Variants in MTDH observed in about 807,000 individuals in gnomAD.
MTDH encodes the protein protein LYRIC.
In MTDH, 34 loss-of-function variants were observed where a neutral mutation model predicts 72.7. The observed-to-expected ratio is 0.47, with a 90% CI of 0.36 to 0.62. MTDH has a LOEUF of 0.62. Ranked by LOEUF, MTDH falls within the 20% of genes least tolerant of loss-of-function variation. The probability of loss-of-function intolerance (pLI) is 0.00; values close to 1 mark genes in which losing one functional copy is unlikely to be tolerated. For synonymous variants in MTDH, 266 were observed against 268.9 expected (o/e 0.99, Z 0.10); for missense variants, 677 against 699.4 (o/e 0.97, Z 0.36).
chr8:97,664,685 G>A (rs886089309), intron 2 of MTDH, among the ~76,000 whole-genome samples: 13 of 151,962 alleles, frequency 8.6e-5, no homozygotes, highest in African/African-American at 3.1e-4. Context: ...AATAGTTGGT[G>A]TTTTTTAGAC....
At chr8:97,658,217 A>G (rs1812052683) in intron 1 of MTDH, among the ~76,000 whole-genome samples, 1 of 152,196 alleles carries the variant, frequency 6.6e-6, no homozygotes, top group Non-Finnish European at 1.5e-5. Context: ...TGGGAGATCT[A>G]CACAGGTCAG....
At chr8:97,700,286 G>A (rs543411852) in intron 7 of MTDH, among the ~76,000 whole-genome samples, 1 of 151,686 alleles carries the variant, frequency 6.6e-6, no homozygotes, top group East Asian at 1.9e-4. Flanking sequence ...TAGAAGGGAA[G>A]AATATGGTTT....
intron 1 of MTDH, among the ~76,000 whole-genome samples, chr8:97,649,672 C>T (rs1001896771): frequency 6.6e-6 from 1 of 151,954 alleles, no homozygotes; most frequent in Non-Finnish European, 1.5e-5. Context: ...GGTGTGAACA[C>T]AGCTCACTGC....
chr8:97,687,396 C>G, intron 3 of MTDH, 33 bp from the exon 4 acceptor site: 2 of 1,551,674 alleles, frequency 1.3e-6, no homozygotes, highest in Non-Finnish European at 1.7e-6. Flanking sequence ...CTTCCCCTTA[C>G]TGAATAACAT....
intron 1 of MTDH, among the ~76,000 whole-genome samples, chr8:97,653,539 C>G (rs1346886560): frequency 6.6e-6 from 1 of 152,128 alleles, no homozygotes; most frequent in Non-Finnish European, 1.5e-5. Flanking sequence ...TGCCAGAGGC[C>G]TAACGTAAAA....
intron 1 of MTDH, among the ~76,000 whole-genome samples, chr8:97,656,390 C>G (rs371558850): frequency 6.6e-6 from 1 of 150,412 alleles, no homozygotes; most frequent in Non-Finnish European, 1.5e-5. Context: ...CTGCAACCTC[C>G]GCATCCCAGG....
In MTDH at chr8:97,665,518, G is replaced by T. The variant is rs954726615; in HGVS notation, c.483+4345G>T. Among the ~76,000 whole-genome samples, 9 of 152,242 alleles carry T rather than the reference G, an allele frequency of 5.9e-5. No individual in the cohort carries two copies. In the East Asian group the frequency reaches 1.7e-3, roughly 29 times the overall value. Reference sequence around the variant, plus strand: ...AAGAGAAGATATCTAGTAATACAAGGCATTAAGTGCTGGATATTCAGAGGA... The same window carrying T: ...AAGAGAAGATATCTAGTAATACAAGTCATTAAGTGCTGGATATTCAGAGGA... On this transcript the variant is annotated intron_variant, in intron 2 of 11. Transcript: ENST00000336273.
In MTDH at chr8:97,727,950, G is replaced by A. The variant is rs1815422791; in HGVS notation, c.*3280G>A. The A allele has an allele frequency of 6.6e-6, 1 of 152,026 alleles. No individual in the cohort carries two copies. The highest frequency in any genetic ancestry group is 1.5e-5 in the Non-Finnish European group (1 of 68,008). 9.4% of individuals were successfully genotyped at this position (152,026 alleles called of 1,614,324 possible). ...TTATGCATGCATTTTATTGGGGAGG[G>A]GAGGTCAGAATAATTCACCCAAATC... On this transcript the variant is annotated 3_prime_UTR_variant, in exon 12 of 12. Transcript: ENST00000336273.
chr8:97,675,939 G>GTTATCTTTTT (rs1563537465), intron 2 of MTDH, among the ~76,000 whole-genome samples: 1 of 105,814 alleles, frequency 9.5e-6, no homozygotes, highest in Non-Finnish European at 1.8e-5. Flanking sequence ...TTGCAAATAG[G>GTTATCTTTTT]TTTTTTTTTT....
intron 2 of MTDH, among the ~76,000 whole-genome samples, chr8:97,667,896 C>CCA (rs1156676612): frequency 5.3e-5 from 8 of 149,984 alleles, no homozygotes; most frequent in African/African-American, 2.0e-4. Flanking sequence ...AGCTTGACAA[C>CCA]TTACCAGTAC....
chr8:97,668,085 A>G (rs1424968236), intron 2 of MTDH, among the ~76,000 whole-genome samples: 2 of 152,126 alleles, frequency 1.3e-5, no homozygotes, highest in African/African-American at 2.4e-5. Flanking sequence ...CAGGAGATCA[A>G]GACCATCCTG....
rs1301724958 is a variant in MTDH at position 97,727,503 on chromosome 8, A to T, written c.*2833A>T. On this transcript the variant is annotated 3_prime_UTR_variant, in exon 12 of 12. Transcript: ENST00000336273. The stretch of plus-strand genomic sequence containing the variant: ...GAGCGAGACTCAATCTCAAAAAAAA[A>T]AAAGTTTCTGGCACCTGAACAGGAA... 17 of 152,042 alleles carry T rather than the reference A, an allele frequency of 1.1e-4. 1 individual carries two copies. The highest frequency in any genetic ancestry group is 1.1e-3 in the Admixed American group (17 of 15,260). 9.4% of individuals were successfully genotyped at this position (152,042 alleles called of 1,614,324 possible). A position where few individuals can be genotyped will look rare whatever the true frequency, so the allele number is the denominator to read the frequency against.
At position 97,676,821 on chromosome 8, in the gene MTDH, G is replaced by T. The variant is rs891735201; in HGVS notation, c.484-9847G>T. Among the ~76,000 whole-genome samples, 9 of 151,670 alleles carry T rather than the reference G, an allele frequency of 5.9e-5. 1 individual carries two copies. The highest frequency in any genetic ancestry group is 1.3e-4 in the Non-Finnish European group (9 of 67,920). On this transcript the variant is annotated intron_variant, in intron 2 of 11. Transcript: ENST00000336273. ...GATCAAGACCATCCTGGCTAACATG[G>T]TGAAACCCCCTCTCTACTAAAAAAT...
intron 2 of MTDH, among the ~76,000 whole-genome samples, chr8:97,684,039 AGGCAGGAGAATCGCTTGAACCCAGGC>A (rs1295800896): frequency 1.5e-4 from 22 of 149,822 alleles, no homozygotes; most frequent in South Asian, 4.4e-4. Context: ...TGAACCCAGG[AGGCAGGAGAATCGCTTGAACCCAGGC>A]GGCAGAGGTT....
chr8:97,684,628 A>G (rs1393298615), intron 2 of MTDH, among the ~76,000 whole-genome samples: 2 of 152,214 alleles, frequency 1.3e-5, no homozygotes, highest in Non-Finnish European at 2.9e-5. Flanking sequence ...GCCTCTGCTC[A>G]ACTGTAGTTG....
At chr8:97,707,810 G>T (rs552797858) in intron 8 of MTDH, among the ~76,000 whole-genome samples, 92 of 151,676 alleles carry the variant, frequency 6.1e-4, no homozygotes, top group African/African-American at 2.1e-3. Context: ...CTATTCAGGG[G>T]GCTGAGGCAG....
rs574644542 is a variant in MTDH, at chr8:97,697,900, G to A, written c.1049-1854G>A. On this transcript the variant is annotated intron_variant, in intron 6 of 11. Transcript: ENST00000336273. ...TCCCTTCATATATGCAGAGAAAGCC[G>A]TGTGGGCTGCCAAAGGAATAGCACC... 5.3e-5 allele frequency among the ~76,000 whole-genome samples: 8 copies of A among 152,238 alleles called. No individual in the cohort carries two copies. The East Asian group carries it at 9.6e-4, about 18-fold the overall frequency.
Position 97,644,771 on chromosome 8 carries a change from C to T in MTDH, c.265C>T (p.Arg89Trp), listed in dbSNP as rs762632270. 1.9e-6 allele frequency: 3 copies of T among 1,549,572 alleles called. No homozygotes were observed. The African/African-American group carries it at 4.4e-5, about 23-fold the overall frequency. ...RKKRRSPPRK[R>W]EEAAAVPAAA... is the part of the protein sequence containing the mutation. ...AAAGCGGAGGAGCCCGCCCCGCAAGCGGGAGGAGGCGGCGGCCGTGCCGGC... is the reference window on the plus strand; with the variant it reads ...AAAGCGGAGGAGCCCGCCCCGCAAGTGGGAGGAGGCGGCGGCCGTGCCGGC... Residue 89 changes from arginine (R) to tryptophan (W), a missense_variant, in exon 1 of 12, where the codon CGG (arginine) becomes TGG (tryptophan). By Grantham distance (101) the Arg-to-Trp change is moderately radical (BLOSUM62 -3). Transcript: ENST00000336273.
At chr8:97,699,678 A>G in intron 6 of MTDH, 76 bp from the exon 7 acceptor site, 1 of 887,702 alleles carries the variant, frequency 1.1e-6, no homozygotes, top group Non-Finnish European at 1.7e-6. Context: ...CTCCGTGTCA[A>G]AGTATAGAAC....
Sources: gnomAD v4.1 joint callset for allele counts (sites outside exome capture counted in the v4.1 genomes callset) on GRCh38, gnomAD v4.1.1 for gene constraint, MANE v1.5 for transcripts, NCBI Gene and HGNC (gene_info 2026-07-23, HGNC 2026-07-21) for gene names.